EVI5: variants seen among roughly 807,000 people sequenced by gnomAD.
The protein encoded by EVI5 is ecotropic viral integration site 5.
EVI5 carries 73 observed loss-of-function variants against 112.0 expected under a neutral mutation model. That is an observed-to-expected ratio of 0.65 (90% CI 0.54 to 0.79). EVI5 has a LOEUF of 0.79. Ranked by LOEUF, EVI5 falls within the 30% of genes least tolerant of loss-of-function variation. The pLI is 0.00. For synonymous variants in EVI5, 305 were observed against 319.9 expected, an observed-to-expected ratio of 0.95 and a Z score of 0.50; for missense variants, 900 against 968.8, an observed-to-expected ratio of 0.93 and a Z score of 0.94.
chr1:92,516,710 G>A (rs1411199112), intron 19 of EVI5, among the ~76,000 whole-genome samples: 2 of 152,122 alleles, frequency 1.3e-5, no homozygotes, highest in Non-Finnish European at 2.9e-5. Context: ...TCATCCTGTG[G>A]AAAGGGGTTT....
intron 1 of EVI5, among the ~76,000 whole-genome samples, chr1:92,761,538 T>C (rs1434069915): frequency 1.3e-5 from 2 of 152,210 alleles, no homozygotes; most frequent in African/African-American, 4.8e-5. Flanking sequence ...TCTCCCACTT[T>C]AAGGAGTTTT....
At chr1:92,750,032 C>T (rs1223593701) in intron 1 of EVI5, among the ~76,000 whole-genome samples, 1 of 152,190 alleles carries the variant, frequency 6.6e-6, no homozygotes, top group East Asian at 1.9e-4. Context: ...ACAAGCACTT[C>T]AACTATTGGA....
At chr1:92,560,467 G>A (rs1305810027) in intron 19 of EVI5, among the ~76,000 whole-genome samples, 1 of 152,188 alleles carries the variant, frequency 6.6e-6, no homozygotes, top group African/African-American at 2.4e-5. Context: ...ACCTACATGA[G>A]TGTGATCATT....
chr1:92,629,633 C>A (rs981782812), intron 14 of EVI5, among the ~76,000 whole-genome samples: 12 of 152,122 alleles, frequency 7.9e-5, no homozygotes, highest in Non-Finnish European at 2.9e-5. Flanking sequence ...ACAGTTCTAA[C>A]AACTACACTC....
chr1:92,543,498 G>A (rs1665175776), intron 19 of EVI5, among the ~76,000 whole-genome samples: 1 of 152,152 alleles, frequency 6.6e-6, no homozygotes, highest in Non-Finnish European at 1.5e-5. Context: ...CAATGAGGCT[G>A]CTTTGCTTTC....
At chr1:92,653,724 G>A (rs1662548042) in intron 13 of EVI5, among the ~76,000 whole-genome samples, 1 of 152,230 alleles carries the variant, frequency 6.6e-6, no homozygotes, top group Non-Finnish European at 1.5e-5. Context: ...CAGAGCAGCA[G>A]CGTTCCTGCA....
intron 1 of EVI5, among the ~76,000 whole-genome samples, chr1:92,767,387 C>T (rs997742449): frequency 1.3e-5 from 2 of 152,132 alleles, no homozygotes; most frequent in Non-Finnish European, 2.9e-5. Flanking sequence ...TAGGTATGAA[C>T]AGGTAAATAC....
intron 9 of EVI5, among the ~76,000 whole-genome samples, chr1:92,686,279 A>G (rs1461104627): frequency 2.0e-5 from 3 of 152,248 alleles, no homozygotes; most frequent in African/African-American, 7.2e-5. Context: ...CCACGTAAAC[A>G]GAACCAACGA....
chr1:92,546,560 G>T (rs1313308760), intron 19 of EVI5, among the ~76,000 whole-genome samples: 1 of 152,078 alleles, frequency 6.6e-6, no homozygotes, highest in Non-Finnish European at 1.5e-5. Context: ...ACCGGGCATG[G>T]TGGCACACGC....
intron 1 of EVI5, among the ~76,000 whole-genome samples, chr1:92,738,481 CT>C (rs1254463449): frequency 6.6e-6 from 1 of 152,084 alleles, no homozygotes; most frequent in Non-Finnish European, 1.5e-5. Context: ...TTAAACTCCC[CT>C]ACTCAGTAAG....
chr1:92,600,876 G>C (rs1049441242), intron 18 of EVI5, among the ~76,000 whole-genome samples: 1 of 152,186 alleles, frequency 6.6e-6, no homozygotes, highest in African/African-American at 2.4e-5. Context: ...CTGAAGCCAT[G>C]TAAGTGAGAC....
chr1:92,689,778 T>C (rs544532315), intron 9 of EVI5, among the ~76,000 whole-genome samples: 7 of 152,348 alleles, frequency 4.6e-5, no homozygotes, highest in Non-Finnish European at 1.0e-4. Flanking sequence ...ATTCTGAATA[T>C]AGGCTGTAAT....
chr1:92,518,268 C>T (rs7527707), intron 19 of EVI5, among the ~76,000 whole-genome samples: 1,724 of 152,184 alleles, frequency 0.011, 40 homozygotes, highest in African/African-American at 0.039. Flanking sequence ...TCTTCAAACA[C>T]TGAGCAACAA....
At chr1:92,785,227 G>A, upstream of EVI5, 1 of 347,488 alleles carries the variant, frequency 2.9e-6, no homozygotes, top group Non-Finnish European at 4.0e-6. Context: ...GGGATTGGAC[G>A]GAGTGCAGAG....
At chr1:92,624,012 C>A (rs1433192919) in intron 16 of EVI5, among the ~76,000 whole-genome samples, 164 bp downstream of exon 16, 1 of 152,156 alleles carries the variant, frequency 6.6e-6, no homozygotes, top group Non-Finnish European at 1.5e-5. Context: ...TCTCTGAAAT[C>A]CAATATAATA....
intron 18 of EVI5, among the ~76,000 whole-genome samples, chr1:92,593,312 CA>C (rs1674321185): frequency 6.6e-6 from 1 of 152,114 alleles, no homozygotes; most frequent in South Asian, 2.1e-4. Flanking sequence ...GAACCAACGA[CA>C]AAAATCACAT....
At chr1:92,561,759 T>G (rs1166189897) in intron 19 of EVI5, among the ~76,000 whole-genome samples, 1 of 151,960 alleles carries the variant, frequency 6.6e-6, no homozygotes, top group Admixed American at 6.6e-5. Context: ...TGCCCCAGCC[T>G]CCCCAGTAGC....
intron 19 of EVI5, among the ~76,000 whole-genome samples, chr1:92,556,988 T>C (rs1403460691): frequency 6.6e-6 from 1 of 152,120 alleles, no homozygotes; most frequent in Non-Finnish European, 1.5e-5. Flanking sequence ...TATAAACATT[T>C]TCTAAGTCAA....
At chr1:92,710,239 G>A (rs368721129) in intron 2 of EVI5, among the ~76,000 whole-genome samples, 1 of 152,072 alleles carries the variant, frequency 6.6e-6, no homozygotes, top group South Asian at 2.1e-4. Flanking sequence ...AGCTACTGGG[G>A]GGCTTTGGTG....
Sources: allele counts gnomAD v4.1 joint callset (sites outside exome capture counted in the v4.1 genomes callset), GRCh38; gene constraint gnomAD v4.1.1; transcripts MANE v1.5; gene names NCBI Gene and HGNC (gene_info 2026-07-23, HGNC 2026-07-21).